PSMG2: variants seen among roughly 807,000 people sequenced by gnomAD.
PSMG2 encodes CD40 ligand-activated specific transcript 3.
PSMG2 carries 21 observed loss-of-function variants against 31.5 expected under a neutral mutation model. The ratio of observed to expected loss-of-function variants is 0.67; its 90% confidence interval spans 0.47 to 0.96. The LOEUF (loss-of-function observed/expected upper bound fraction) is 0.96, where lower values mean the gene tolerates loss of function less well. PSMG2 is among the 40% of genes least tolerant of loss of function. The pLI, the probability that PSMG2 is intolerant of heterozygous loss-of-function variation, is 0.00. For synonymous variants in PSMG2, 120 were observed against 110.4 expected (o/e 1.09, Z -0.54); for missense variants, 318 against 321.2 (o/e 0.99, Z 0.08).
intron 1 of PSMG2, among the ~76,000 whole-genome samples, chr18:12,662,322 T>G (rs993846073): frequency 8.5e-5 from 13 of 152,198 alleles, no homozygotes; most frequent in Non-Finnish European, 1.8e-4. Context: ...ACTTGAAGGG[T>G]CAGATATTAT....
At chr18:12,667,061 C>A (rs971739299) in intron 1 of PSMG2, among the ~76,000 whole-genome samples, 1 of 151,502 alleles carries the variant, frequency 6.6e-6, no homozygotes, top group African/African-American at 2.4e-5. Context: ...TATATGGAAA[C>A]CCTAAAGCAA....
At chr18:12,666,747 C>CCA (rs199533936) in intron 1 of PSMG2, among the ~76,000 whole-genome samples, 3 of 148,978 alleles carry the variant, frequency 2.0e-5, no homozygotes, top group African/African-American at 5.0e-5. Context: ...CCACACCCGG[C>CCA]CAAAAAAAAA....
chr18:12,681,057 G>A (rs1416705895), intron 1 of PSMG2, among the ~76,000 whole-genome samples: 1 of 151,724 alleles, frequency 6.6e-6, no homozygotes, highest in Admixed American at 6.6e-5. Flanking sequence ...AAATTAGCCG[G>A]GTGTGGTAGC....
At chr18:12,662,929 ATAAT>A (rs1282325431) in intron 1 of PSMG2, among the ~76,000 whole-genome samples, 3 of 152,330 alleles carry the variant, frequency 2.0e-5, no homozygotes, top group South Asian at 2.1e-4. Flanking sequence ...CTCCTTTAAG[ATAAT>A]TATTTTTAAA....
upstream of PSMG2, chr18:12,702,951 G>A: frequency 1.3e-6 from 1 of 789,756 alleles, no homozygotes; most frequent in Non-Finnish European, 1.9e-6. Context: ...CCTCTGAACC[G>A]GCAGTTAGCT....
chr18:12,723,209 C>T (rs1457453503), intron 5 of PSMG2, among the ~76,000 whole-genome samples: 1 of 152,222 alleles, frequency 6.6e-6, no homozygotes, highest in African/African-American at 2.4e-5. Context: ...CTGTCAGTCT[C>T]GTGCTTTCAA....
upstream of PSMG2, chr18:12,702,703 G>A (rs1003036950): frequency 1.2e-6 from 1 of 809,926 alleles, no homozygotes; most frequent in Non-Finnish European, 1.8e-6. Context: ...GCCGCGTCAG[G>A]CCGGGGGCTG....
At chr18:12,699,080 A>G, upstream of PSMG2, 5 of 1,614,130 alleles carry the variant, frequency 3.1e-6, no homozygotes, top group East Asian at 4.5e-5. Context: ...TCGATAATGT[A>G]AACATAAAGT....
intron 3 of PSMG2, among the ~76,000 whole-genome samples, 199 bp downstream of exon 3, chr18:12,712,959 A>C (rs1311314339): frequency 2.0e-5 from 3 of 152,202 alleles, no homozygotes; most frequent in Non-Finnish European, 4.4e-5. Context: ...CAGGGCTTTT[A>C]TCTTGAGTGT....
chr18:12,700,889 C>T (rs1163115942), upstream of PSMG2: 47 of 1,323,136 alleles, frequency 3.6e-5, no homozygotes, highest in Non-Finnish European at 4.8e-5. Flanking sequence ...ACATCGGAAC[C>T]TTATAAGTAG....
At chr18:12,674,793 T>G in intron 1 of PSMG2, 3 of 1,332,194 alleles carry the variant, frequency 2.3e-6, no homozygotes, top group Non-Finnish European at 3.1e-6. Context: ...TGAAATACAT[T>G]AATATTTTTA....
chr18:12,705,716 T>G (rs1413949410), intron 1 of PSMG2, among the ~76,000 whole-genome samples: 1 of 152,060 alleles, frequency 6.6e-6, no homozygotes, highest in Non-Finnish European at 1.5e-5. Context: ...CCTTTACACT[T>G]GCTTTCCCAC....
intron 1 of PSMG2, among the ~76,000 whole-genome samples, chr18:12,691,768 T>C (rs902491152): frequency 4.7e-5 from 7 of 150,454 alleles, no homozygotes; most frequent in Admixed American, 2.7e-4. Flanking sequence ...CAGGCTGGAG[T>C]GCAGTGGCAA....
Position 12,718,634 on chromosome 18 carries a change from A to T in PSMG2, c.406A>T (p.Ser136Cys). The T allele has an allele frequency of 6.3e-7, 1 of 1,592,694 alleles. No individual in the cohort carries two copies. The highest frequency in any genetic ancestry group is 8.6e-7 in the Non-Finnish European group (1 of 1,165,158). Residue 136 changes from serine (S) to cysteine (C), a missense_variant and splice_region_variant, in exon 4 of 7, where the codon AGT (serine) becomes TGT (cysteine). By Grantham distance (112) the Ser-to-Cys change is moderately radical. Transcript: ENST00000317615. ...SYQRNDLQLR[S>C]TPFRYLLTPS... ...TCAGCGTAATGATCTGCAGCTTCGT[A>T]GGTATGTTTCTGCCTCTGGAAAGTT...
In PSMG2 at chr18:12,673,540, G is replaced by C. The variant is rs111451708; in HGVS notation, c.-37+14767G>C. 3,939 of 1,467,524 alleles carry C rather than the reference G, an allele frequency of 2.7e-3. 107 individuals carry two copies. The African/African-American group carries it at 0.051, about 19-fold the overall frequency. 90.9% of individuals were successfully genotyped at this position (1,467,524 alleles called of 1,614,324 possible). On this transcript the variant is annotated intron_variant, in intron 1 of 6. Coordinates refer to the PSMG2 transcript ENST00000585331. ...AAAAAAAATTATTCAATTAAGAAGT[G>C]ACCATACACTTTAATTCCTTATTTG...
intron 1 of PSMG2, among the ~76,000 whole-genome samples, chr18:12,689,587 T>TTCAG (rs71174129): frequency 0.24 from 36,835 of 151,954 alleles, 4,978 homozygotes; most frequent in Non-Finnish European, 0.32. Flanking sequence ...TAAGTAATAT[T>TTCAG]TCCTAAAAGA....
intron 5 of PSMG2, among the ~76,000 whole-genome samples, chr18:12,723,447 A>G (rs1293248257): frequency 2.0e-5 from 3 of 152,054 alleles, no homozygotes; most frequent in African/African-American, 7.2e-5. Flanking sequence ...CATGTTAACT[A>G]TGTATTAAAT....
chr18:12,718,729 C>T (rs1412800103), intron 4 of PSMG2, 94 bp downstream of exon 4: 1 of 798,500 alleles, frequency 1.3e-6, no homozygotes, highest in Non-Finnish European at 1.9e-6. Flanking sequence ...CACGTAGATC[C>T]TTACCTCTTC....
rs2038992596 is a variant in PSMG2, at chr18:12,673,238, C to T, written c.-37+14465C>T. The T allele has an allele frequency of 2.8e-6, 4 of 1,423,654 alleles. No individual in the cohort carries two copies. In the African/African-American group the frequency reaches 6.0e-5, roughly 21 times the overall value. The allele number at this position is 1,423,654 out of a possible 1,614,324, so 88.2% of individuals were successfully genotyped here. On this transcript the variant is annotated intron_variant, in intron 1 of 6. Transcript: ENST00000585331. ...TTAAACATTACCAGTCAAGTATATA[C>T]AAAATTGAAGTATGCCATTCAAGCC...
Sources: allele counts gnomAD v4.1 joint callset (sites outside exome capture counted in the v4.1 genomes callset), GRCh38; gene constraint gnomAD v4.1.1; transcripts MANE v1.5; gene names NCBI Gene and HGNC (gene_info 2026-07-23, HGNC 2026-07-21).